Variants in PRKAR1B observed in about 807,000 individuals in gnomAD.
PRKAR1B encodes the protein cAMP-dependent protein kinase type I-beta regulatory subunit.
PRKAR1B carries 22 observed loss-of-function variants against 46.5 expected under a neutral mutation model. The observed-to-expected ratio is 0.47, with a 90% CI of 0.34 to 0.68. The LOEUF (loss-of-function observed/expected upper bound fraction) is 0.68, where lower values mean the gene tolerates loss of function less well. Ranked by LOEUF, PRKAR1B falls within the 30% of genes least tolerant of loss-of-function variation. PRKAR1B has a pLI of 0.01. For synonymous variants in PRKAR1B, 259 were observed against 217.7 expected (o/e 1.19, Z -1.67); for missense variants, 445 against 535.6 (o/e 0.83, Z 1.67).
rs1330905925 is a variant in PRKAR1B, at chr7:576,976, GTCCAACGCCATCAGCGGCCTCA to G, written c.891+2258_891+2279del. The stretch of plus-strand genomic sequence containing the variant: ...ATCTTCCAACGCCATCAGCGGCCTC[GTCCAACGCCATCAGCGGCCTCA>G]TCCAACTCCATCAGTCGCCTCACCC... On this transcript the variant is annotated intron_variant, in intron 9 of 10. Coordinates refer to ENST00000537384, the MANE Select transcript of PRKAR1B (RefSeq NM_001164760.2). Among the ~76,000 whole-genome samples, 12 of 150,330 alleles carry G rather than the reference GTCCAACGCCATCAGCGGCCTCA, an allele frequency of 8.0e-5. No homozygotes were observed. In the South Asian group the frequency reaches 8.3e-4, roughly 10 times the overall value.
chr7:659,450 G>A lies in PRKAR1B; in HGVS notation c.440+17779C>T, dbSNP rs191479862. On this transcript the variant is annotated intron_variant, in intron 4 of 10. Coordinates refer to ENST00000537384, the MANE Select transcript of PRKAR1B (RefSeq NM_001164760.2). ...CAGGCACCGAAGTGACCACGAAAGG[G>A]GGAGAGGAGGGCACCCACATGGTGG... Among the ~76,000 whole-genome samples, 479 of 152,310 alleles carry A rather than the reference G, an allele frequency of 3.1e-3. 2 individuals carry two copies. Among genetic ancestry groups the A allele is most frequent in the Non-Finnish European group, 5.9e-3 (404 of 68,018 alleles).
intron 2 of PRKAR1B, among the ~76,000 whole-genome samples, chr7:687,767 A>C (rs557710836): frequency 6.6e-6 from 1 of 152,322 alleles, no homozygotes; most frequent in South Asian, 2.1e-4. Flanking sequence ...CGCAGGAGCT[A>C]AAGACAGAGA....
At position 691,845 on chromosome 7, in the gene PRKAR1B, T is replaced by A. The variant is rs983210175; in HGVS notation, c.178-11119A>T. 8.6e-6 allele frequency: 10 copies of A among 1,165,778 alleles called. No individual in the cohort carries two copies. In the Admixed American group the frequency reaches 2.7e-4, roughly 31 times the overall value. The allele number at this position is 1,165,778 out of a possible 1,614,324, so 72.2% of individuals were successfully genotyped here. A position where few individuals can be genotyped will look rare whatever the true frequency, so the allele number is the denominator to read the frequency against. ...CTGCCAAGTAAACACCTCATCACTCTCCGGTCACCATGACAACGGGCCATC... is the reference window on the plus strand; with the variant it reads ...CTGCCAAGTAAACACCTCATCACTCACCGGTCACCATGACAACGGGCCATC... On this transcript the variant is annotated intron_variant, in intron 2 of 10. Coordinates refer to ENST00000537384, the MANE Select transcript of PRKAR1B (RefSeq NM_001164760.2).
intron 8 of PRKAR1B, among the ~76,000 whole-genome samples, chr7:580,414 A>C (rs1026014069): frequency 1.3e-5 from 2 of 151,878 alleles, no homozygotes; most frequent in Non-Finnish European, 2.9e-5. Flanking sequence ...AAATAATAAT[A>C]ATACATGAAT....
At position 550,610 on chromosome 7, in the gene PRKAR1B, T is replaced by G. The variant is rs28585978; in HGVS notation, c.974-8A>C. The G allele has an allele frequency of 0.011, 17,335 of 1,548,320 alleles. 870 individuals are homozygous for G. The East Asian group carries it at 0.18, about 16-fold the overall frequency. On this transcript the variant is annotated splice_region_variant and splice_polypyrimidine_tract_variant and intron_variant, in intron 10 of 10. Transcript: ENST00000537384. ...GCAGCAGTGCAATCTCCCCTGGGGG[T>G]TGAAGAGAGAGGTCAGGGCTGGGCC...
chr7:634,788 C>T (rs1444219727), intron 4 of PRKAR1B, among the ~76,000 whole-genome samples: 1 of 151,796 alleles, frequency 6.6e-6, no homozygotes, highest in Non-Finnish European at 1.5e-5. Flanking sequence ...TACAGGCACC[C>T]GCCACCATGT....
chr7:637,291 C>G (rs1357145170), intron 4 of PRKAR1B, among the ~76,000 whole-genome samples: 3 of 152,024 alleles, frequency 2.0e-5, no homozygotes, highest in Non-Finnish European at 4.4e-5. Flanking sequence ...TGGTGGCGCA[C>G]CTGTAATCCC....
At chr7:715,500 G>A (rs1780840319) in intron 1 of PRKAR1B, among the ~76,000 whole-genome samples, 2 of 152,064 alleles carry the variant, frequency 1.3e-5, no homozygotes, top group Admixed American at 1.3e-4. Context: ...TGTGCTGCTG[G>A]TGACTGGGTT....
intron 4 of PRKAR1B, among the ~76,000 whole-genome samples, chr7:637,051 T>C (rs1383772300): frequency 6.6e-6 from 1 of 152,020 alleles, no homozygotes; most frequent in Non-Finnish European, 1.5e-5. Context: ...TTTGGGAGGC[T>C]AAGGCGGGTG....
intron 4 of PRKAR1B, among the ~76,000 whole-genome samples, chr7:626,334 A>T (rs1277931470): frequency 1.3e-5 from 2 of 152,010 alleles, no homozygotes; most frequent in African/African-American, 4.8e-5. Context: ...TCTACTAAAA[A>T]TTTTAAAAAA....
intron 4 of PRKAR1B, among the ~76,000 whole-genome samples, chr7:611,385 C>T (rs1782483211): frequency 1.3e-5 from 2 of 152,254 alleles, no homozygotes; most frequent in African/African-American, 4.8e-5. Flanking sequence ...AGTAAGGAGC[C>T]CCTGCTATTT....
chr7:723,144 T>C (rs1781131897), intron 1 of PRKAR1B, among the ~76,000 whole-genome samples: 1 of 152,210 alleles, frequency 6.6e-6, no homozygotes, highest in South Asian at 2.1e-4. Context: ...AGGGCAGATT[T>C]CAGGCTCCTC....
intron 7 of PRKAR1B, among the ~76,000 whole-genome samples, chr7:591,941 T>C (rs1224933445): frequency 6.6e-6 from 1 of 151,166 alleles, no homozygotes; most frequent in Non-Finnish European, 1.5e-5. Context: ...GGCTGTGGGG[T>C]TGGCAACTTC....
At chr7:627,337 G>T (rs551841564) in intron 4 of PRKAR1B, among the ~76,000 whole-genome samples, 1 of 152,176 alleles carries the variant, frequency 6.6e-6, no homozygotes, top group Non-Finnish European at 1.5e-5. Context: ...AGCGGTGGGG[G>T]CCGAGGGATC....
At chr7:704,661 C>T (rs1450047752) in intron 2 of PRKAR1B, among the ~76,000 whole-genome samples, 1 of 151,974 alleles carries the variant, frequency 6.6e-6, no homozygotes, top group African/African-American at 2.4e-5. Flanking sequence ...CCCAGCTACT[C>T]GGGAGGCTGA....
intron 4 of PRKAR1B, among the ~76,000 whole-genome samples, chr7:628,527 C>A (rs1245330843): frequency 6.6e-6 from 1 of 152,220 alleles, no homozygotes; most frequent in African/African-American, 2.4e-5. Flanking sequence ...GAGCTCCTCC[C>A]AGGCCCGTGT....
chr7:642,650 G>A (rs1433546494), intron 4 of PRKAR1B, among the ~76,000 whole-genome samples: 9 of 150,982 alleles, frequency 6.0e-5, no homozygotes, highest in East Asian at 1.9e-4. Context: ...GCGTGAACCC[G>A]GGAGGCGGAG....
chr7:676,025 C>T (rs1320017212), intron 4 of PRKAR1B, among the ~76,000 whole-genome samples: 2 of 146,932 alleles, frequency 1.4e-5, no homozygotes, highest in Non-Finnish European at 3.0e-5. Context: ...AAATTGACAG[C>T]ACAAGACAAC....
At position 560,502 on chromosome 7, in the gene PRKAR1B, C is replaced by A. The variant is rs1237858098; in HGVS notation, c.892-9032G>T. Among the ~76,000 whole-genome samples the A allele has an allele frequency of 6.6e-6, 1 of 152,122 alleles. No homozygotes were observed. Among genetic ancestry groups the A allele is most frequent in the Non-Finnish European group, 1.5e-5 (1 of 68,016 alleles). On this transcript the variant is annotated intron_variant, in intron 9 of 10. Transcript: ENST00000537384. The surrounding 1 kb of genome is among the most constrained non-coding windows in gnomAD (Gnocchi z 4.2). ...AGCACAGCTGGAAAGGTGTTCAACA[C>A]ACGAGCTTAACCCAGGCTTCCCCCT...
Sources: allele counts gnomAD v4.1 joint callset (sites outside exome capture counted in the v4.1 genomes callset), GRCh38; gene constraint gnomAD v4.1.1; non-coding constraint Gnocchi (gnomAD v3.1); transcripts MANE v1.5; gene names NCBI Gene and HGNC (gene_info 2026-07-23, HGNC 2026-07-21).